The following KCNIP4 variants were observed in gnomAD, a reference collection of about 807,000 sequenced individuals.
KCNIP4 encodes Kv channel-interacting protein 4.
In KCNIP4, 12 loss-of-function variants were observed where a neutral mutation model predicts 34.0. That is an observed-to-expected ratio of 0.35 (90% CI 0.23 to 0.57). KCNIP4 has a LOEUF of 0.57. Among genes scored for constraint, KCNIP4 ranks in the 20% least tolerant of loss-of-function variants. The pLI is 0.83. For missense variants in KCNIP4, 238 were observed against 311.7 expected, an observed-to-expected ratio of 0.76 and a Z score of 1.78; for synonymous variants, 124 against 102.2, an observed-to-expected ratio of 1.21 and a Z score of -1.29.
chr4:21,925,804 C>T (rs1395321588), intron 1 of KCNIP4, among the ~76,000 whole-genome samples: 2 of 152,178 alleles, frequency 1.3e-5, no homozygotes, highest in East Asian at 3.9e-4. Flanking sequence ...ATAAGAGAGA[C>T]TGGTGATCCC....
chr4:21,700,722 T>C (rs950842760), intron 1 of KCNIP4, among the ~76,000 whole-genome samples: 1 of 152,128 alleles, frequency 6.6e-6, no homozygotes, highest in South Asian at 2.1e-4. Flanking sequence ...AGTATCACAG[T>C]TCCAGGTTTT....
intron 1 of KCNIP4, among the ~76,000 whole-genome samples, chr4:21,611,602 A>G (rs533899316): frequency 1.3e-5 from 2 of 152,226 alleles, no homozygotes; most frequent in East Asian, 3.9e-4. Flanking sequence ...AGCCACCAAT[A>G]TCCACTCTAT....
chr4:21,633,782 A>T (rs1182591269), intron 1 of KCNIP4, among the ~76,000 whole-genome samples: 1 of 152,156 alleles, frequency 6.6e-6, no homozygotes, highest in Non-Finnish European at 1.5e-5. Flanking sequence ...TAACATATTT[A>T]TTCATTTTAA....
At chr4:21,698,365 C>T (rs1478022187) in intron 1 of KCNIP4, among the ~76,000 whole-genome samples, 6 of 152,158 alleles carry the variant, frequency 3.9e-5, no homozygotes, top group African/African-American at 9.7e-5. Flanking sequence ...TAATTTACTG[C>T]GTTGTCCTAA....
intron 8 of KCNIP4, 122 bp from the exon 9 acceptor site, chr4:20,730,251 A>C (rs1446053763): frequency 1.6e-6 from 2 of 1,243,096 alleles, no homozygotes; most frequent in Admixed American, 2.9e-5. Context: ...AAAAGCTCAA[A>C]TATTAAGTGT....
intron 1 of KCNIP4, among the ~76,000 whole-genome samples, chr4:21,836,678 T>G (rs360696): frequency 0.99 from 151,409 of 152,248 alleles, 75,291 homozygotes; most frequent in Middle Eastern, 1. Context: ...TGGAAAGAAA[T>G]AATGGAAAAT....
chr4:21,587,840 C>G (rs1366157022), intron 1 of KCNIP4, among the ~76,000 whole-genome samples: 1 of 152,046 alleles, frequency 6.6e-6, no homozygotes, highest in Non-Finnish European at 1.5e-5. Context: ...TAATACACAT[C>G]TTGCCCAAAG....
intron 4 of KCNIP4, among the ~76,000 whole-genome samples, chr4:20,751,490 T>C (rs1469122387): frequency 6.6e-6 from 1 of 152,062 alleles, no homozygotes; most frequent in East Asian, 1.9e-4. Context: ...TAGTGCCCTC[T>C]GGAGATGTGA....
At chr4:20,982,037 C>A (rs1736113930) in intron 1 of KCNIP4, among the ~76,000 whole-genome samples, 3 of 152,138 alleles carry the variant, frequency 2.0e-5, no homozygotes, top group Admixed American at 2.0e-4. Flanking sequence ...AATCTGCAAA[C>A]CTTCAACTTT....
At chr4:21,611,589 T>C (rs1453720240) in intron 1 of KCNIP4, among the ~76,000 whole-genome samples, 1 of 152,180 alleles carries the variant, frequency 6.6e-6, no homozygotes, top group Non-Finnish European at 1.5e-5. Context: ...AAGACAAATA[T>C]ATAGCCACCA....
chr4:21,303,739 C>A (rs900945949), intron 1 of KCNIP4: 24 of 1,279,308 alleles, frequency 1.9e-5, no homozygotes, highest in Middle Eastern at 1.9e-4. Context: ...GTGCCTCTTA[C>A]ATTCACCTAA....
Position 21,071,267 on chromosome 4 carries a change from G to C in KCNIP4, c.62-188558C>G, listed in dbSNP as rs112479032. Among the ~76,000 whole-genome samples, 289 of 152,238 alleles carry C rather than the reference G, an allele frequency of 1.9e-3. 4 individuals carry two copies. Among genetic ancestry groups the C allele is most frequent in the African/African-American group, 6.3e-3 (261 of 41,548 alleles). ...AATTGTTCATTTTAAGTTAATTTTT[G>C]TATAAAGGGTGAAGTTAAGATTGAG... is the stretch of plus-strand genomic sequence containing the variant. On this transcript the variant is annotated intron_variant, in intron 1 of 8. Transcript: ENST00000382152.
At chr4:21,941,496 T>TAA (rs36004640) in intron 1 of KCNIP4, among the ~76,000 whole-genome samples, 3,472 of 144,164 alleles carry the variant, frequency 0.024, 49 homozygotes, top group Middle Eastern at 0.063. Context: ...AAAGACCTAT[T>TAA]AAAAAAAAAA....
intron 1 of KCNIP4, among the ~76,000 whole-genome samples, chr4:21,600,949 C>A (rs1487291924): frequency 6.6e-6 from 1 of 152,000 alleles, no homozygotes; most frequent in African/African-American, 2.4e-5. Context: ...CCAACACAAA[C>A]CTGATCCCCT....
chr4:21,262,314 T>A (rs566259859), intron 1 of KCNIP4, among the ~76,000 whole-genome samples: 1 of 152,308 alleles, frequency 6.6e-6, no homozygotes, highest in South Asian at 2.1e-4. Flanking sequence ...CTTATCTTCC[T>A]GAACATGAAT....
chr4:20,780,032 T>G (rs1397997594), intron 3 of KCNIP4, among the ~76,000 whole-genome samples: 4 of 152,186 alleles, frequency 2.6e-5, no homozygotes, highest in Non-Finnish European at 5.9e-5. Flanking sequence ...AACTAATACA[T>G]GCATGATTGT....
intron 1 of KCNIP4, among the ~76,000 whole-genome samples, chr4:21,273,750 A>G (rs1395027745): frequency 6.6e-6 from 1 of 152,160 alleles, no homozygotes; most frequent in African/African-American, 2.4e-5. Flanking sequence ...TACTATACCC[A>G]AATCCCATGA....
intron 1 of KCNIP4, among the ~76,000 whole-genome samples, chr4:21,806,835 T>C (rs1424938746): frequency 6.6e-6 from 1 of 152,102 alleles, no homozygotes; most frequent in East Asian, 1.9e-4. Context: ...CAGGGATCGG[T>C]TTAGTGGAAT....
At chr4:21,277,230 C>T (rs2109153414) in intron 1 of KCNIP4, among the ~76,000 whole-genome samples, 1 of 152,176 alleles carries the variant, frequency 6.6e-6, no homozygotes, top group East Asian at 1.9e-4. Flanking sequence ...AACTCATCAG[C>T]CTACAGTGAA....
Sources: gnomAD v4.1 joint callset for allele counts (sites outside exome capture counted in the v4.1 genomes callset) on GRCh38, gnomAD v4.1.1 for gene constraint, MANE v1.5 for transcripts, NCBI Gene and HGNC (gene_info 2026-07-23, HGNC 2026-07-21) for gene names.